Variants in ADAMTS12 observed in about 807,000 individuals in gnomAD.
ADAMTS12 encodes A disintegrin and metalloproteinase with thrombospondin motifs 12.
In ADAMTS12, 118 loss-of-function variants were observed where a neutral mutation model predicts 167.8. That is an observed-to-expected ratio of 0.70 (90% CI 0.61 to 0.82). The LOEUF is 0.82. Among genes scored for constraint, ADAMTS12 ranks in the 40% least tolerant of loss-of-function variants. The pLI is 0.00. For synonymous variants in ADAMTS12, 704 were observed against 716.9 expected (o/e 0.98, Z 0.29); for missense variants, 1,916 against 1,998.8 (o/e 0.96, Z 0.79).
chr5:33,883,574 A>G (rs1750532526), intron 1 of ADAMTS12, among the ~76,000 whole-genome samples: 2 of 151,994 alleles, frequency 1.3e-5, no homozygotes, highest in Admixed American at 1.3e-4. Context: ...GAAAAACAAG[A>G]AATAAAATAA....
intron 2 of ADAMTS12, among the ~76,000 whole-genome samples, chr5:33,766,165 G>C (rs1354157379): frequency 6.6e-6 from 1 of 152,122 alleles, no homozygotes; most frequent in East Asian, 1.9e-4. Context: ...TATTAAAAGA[G>C]AAGGAAAAAA....
rs1303187888 is a variant in ADAMTS12 at position 33,535,003 on chromosome 5, A to C, written c.4447-11T>G. The C allele has an allele frequency of 6.3e-7, 1 of 1,590,564 alleles. No homozygotes were observed. The highest frequency in any genetic ancestry group is 1.1e-5 in the South Asian group (1 of 86,958). The stretch of plus-strand genomic sequence containing the variant: ...ACAGGAAGTGGAACACTGAAAGAGA[A>C]GGTGAACAGAGAGTCAGAAGTCCTC... On this transcript the variant is annotated splice_polypyrimidine_tract_variant and intron_variant, in intron 22 of 23. Coordinates refer to ENST00000504830, the MANE Select transcript of ADAMTS12 (RefSeq NM_030955.4).
At position 33,779,184 on chromosome 5, in the gene ADAMTS12, ATTTTTT is replaced by A. The variant is rs58073487; in HGVS notation, c.490-27642_490-27637del. 7.9e-3 allele frequency among the ~76,000 whole-genome samples: 1,071 copies of A among 135,504 alleles called. 8 individuals are homozygous for A. The highest frequency in any genetic ancestry group is 0.012 in the South Asian group (51 of 4,256). The allele number at this position is 135,504 out of a possible 152,430, so 88.9% of individuals were successfully genotyped here. ...TATATCCAAAGGAACTGAAATTAGT[ATTTTTT>A]TTTTTTTTTTTTTGAGACGAAGTCT... On this transcript the variant is annotated intron_variant, in intron 2 of 23. Coordinates refer to ENST00000504830, the MANE Select transcript of ADAMTS12 (RefSeq NM_030955.4).
At chr5:33,812,836 T>C (rs898216892) in intron 2 of ADAMTS12, among the ~76,000 whole-genome samples, 3 of 152,224 alleles carry the variant, frequency 2.0e-5, no homozygotes, top group African/African-American at 7.2e-5. Flanking sequence ...ATGAGCTCTC[T>C]TGTACATACT....
intron 3 of ADAMTS12, among the ~76,000 whole-genome samples, chr5:33,715,730 C>A (rs1180880574): frequency 6.6e-6 from 1 of 152,050 alleles, no homozygotes; most frequent in African/African-American, 2.4e-5. Flanking sequence ...ACAATGAAAC[C>A]AGCCTTTTTT....
chr5:33,636,860 G>T (rs1740223090), intron 12 of ADAMTS12, among the ~76,000 whole-genome samples: 1 of 152,170 alleles, frequency 6.6e-6, no homozygotes, highest in Non-Finnish European at 1.5e-5. Flanking sequence ...TTTAAGGAGA[G>T]AATGTGTCTG....
chr5:33,714,477 A>G (rs1457728299), intron 3 of ADAMTS12, among the ~76,000 whole-genome samples: 38 of 152,126 alleles, frequency 2.5e-4, no homozygotes, highest in Non-Finnish European at 2.4e-4. Flanking sequence ...GGAAATCAGT[A>G]TGTCAAAGGG....
In ADAMTS12 at chr5:33,849,721, A is replaced by ACATT. The variant is rs1475965289; in HGVS notation, c.489+31397_489+31398insAATG. Among the ~76,000 whole-genome samples the ACATT allele has an allele frequency of 4.5e-5, 6 of 133,342 alleles. No individual in the cohort carries two copies. In the Admixed American group the frequency reaches 4.5e-4, roughly 10 times the overall value. 87.5% of individuals were successfully genotyped at this position (133,342 alleles called of 152,430 possible). A position where few individuals can be genotyped will look rare whatever the true frequency, so the allele number is the denominator to read the frequency against. On this transcript the variant is annotated intron_variant, in intron 2 of 23. Transcript: ENST00000504830. ...ATATATGTATTGCATAGCAATATAT[A>ACATT]GTATCTATATATGTATTGCATAGCA...
chr5:33,846,005 A>C, intron 2 of ADAMTS12, among the ~76,000 whole-genome samples: 1 of 152,184 alleles, frequency 6.6e-6, no homozygotes, highest in Non-Finnish European at 1.5e-5. Context: ...CAATGACCCA[A>C]ATACCTCCCA....
chr5:33,529,021 G>A (rs1468991512), intron 23 of ADAMTS12, among the ~76,000 whole-genome samples: 1 of 152,010 alleles, frequency 6.6e-6, no homozygotes. Flanking sequence ...CTCCAGCCTG[G>A]GCAACAAGAG....
intron 9 of ADAMTS12, among the ~76,000 whole-genome samples, chr5:33,644,239 C>T (rs563051575): frequency 3.9e-5 from 6 of 152,160 alleles, no homozygotes; most frequent in Admixed American, 2.0e-4. Context: ...TTTTGGAACC[C>T]GTAATTGTTG....
chr5:33,709,760 C>T (rs1214492650), intron 3 of ADAMTS12, among the ~76,000 whole-genome samples: 1 of 151,974 alleles, frequency 6.6e-6, no homozygotes, highest in Non-Finnish European at 1.5e-5. Context: ...GCATGCTGCG[C>T]TTAATACCTA....
intron 2 of ADAMTS12, among the ~76,000 whole-genome samples, chr5:33,866,998 T>C (rs1326362092): frequency 1.3e-5 from 2 of 152,178 alleles, no homozygotes; most frequent in African/African-American, 2.4e-5. Flanking sequence ...GCAATGCTTA[T>C]ACACTGCTGG....
At chr5:33,620,730 C>G (rs1323792660) in intron 14 of ADAMTS12, among the ~76,000 whole-genome samples, 2 of 152,044 alleles carry the variant, frequency 1.3e-5, no homozygotes, top group African/African-American at 4.8e-5. Flanking sequence ...AGACTAATAT[C>G]TACATATATT....
chr5:33,647,686 A>G (rs145641529), intron 9 of ADAMTS12, among the ~76,000 whole-genome samples: 4,957 of 152,286 alleles, frequency 0.033, 82 homozygotes, highest in East Asian at 0.045. Context: ...AGCCAAGATC[A>G]TGCCACTGCA....
intron 3 of ADAMTS12, among the ~76,000 whole-genome samples, chr5:33,704,831 T>A (rs1374283776): frequency 6.6e-6 from 1 of 152,220 alleles, no homozygotes; most frequent in Non-Finnish European, 1.5e-5. Flanking sequence ...AAAAGATTTT[T>A]AGTTTGATAT....
At chr5:33,611,833 T>C (rs1308142205) in intron 16 of ADAMTS12, among the ~76,000 whole-genome samples, 1 of 152,196 alleles carries the variant, frequency 6.6e-6, no homozygotes, top group Non-Finnish European at 1.5e-5. Context: ...GTGTGTAATG[T>C]ACATAAATGC....
chr5:33,840,575 A>T (rs1448257995), intron 2 of ADAMTS12, among the ~76,000 whole-genome samples: 1 of 152,248 alleles, frequency 6.6e-6, no homozygotes, highest in African/African-American at 2.4e-5. Context: ...GGTTATGTGA[A>T]ATAAAGAAGT....
At chr5:33,807,915 G>T (rs1235909945) in intron 2 of ADAMTS12, among the ~76,000 whole-genome samples, 1 of 152,166 alleles carries the variant, frequency 6.6e-6, no homozygotes, top group Admixed American at 6.5e-5. Context: ...GGGCCTCTCA[G>T]GAAATTTCAC....
Sources: allele counts gnomAD v4.1 joint callset (sites outside exome capture counted in the v4.1 genomes callset), GRCh38; gene constraint gnomAD v4.1.1; transcripts MANE v1.5; gene names NCBI Gene and HGNC (gene_info 2026-07-23, HGNC 2026-07-21).